Variants in ITGA8 observed in about 807,000 individuals in gnomAD.
The protein encoded by ITGA8 is integrin alpha-8.
A neutral mutation model predicts 142.3 loss-of-function variants in ITGA8; 91 were observed. That is an observed-to-expected ratio of 0.64 (90% CI 0.54 to 0.76). The LOEUF (loss-of-function observed/expected upper bound fraction) is 0.76. ITGA8 is among the 30% of genes least tolerant of loss of function. The pLI is 0.00. For synonymous variants in ITGA8, 505 were observed against 485.2 expected, an observed-to-expected ratio of 1.04 and a Z score of -0.54; for missense variants, 1,406 against 1,327.7, an observed-to-expected ratio of 1.06 and a Z score of -0.92.
intron 29 of ITGA8, among the ~76,000 whole-genome samples, chr10:15,517,641 G>A (rs1374616519): frequency 6.6e-6 from 1 of 152,204 alleles, no homozygotes; most frequent in African/African-American, 2.4e-5. Context: ...TATTTTCGAA[G>A]GAGCCTGGAG....
At chr10:15,602,695 G>A (rs962798055) in intron 20 of ITGA8, among the ~76,000 whole-genome samples, 11 of 151,650 alleles carry the variant, frequency 7.3e-5, no homozygotes, top group Admixed American at 2.0e-4. Context: ...CTATGATCAC[G>A]CTGCTGCACT....
chr10:15,665,480 G>A (rs1395156893), intron 8 of ITGA8, among the ~76,000 whole-genome samples: 1 of 152,148 alleles, frequency 6.6e-6, no homozygotes, highest in African/African-American at 2.4e-5. Context: ...TGTTCACTCT[G>A]ATGGTAGTTT....
chr10:15,653,080 G>A (rs984629253), intron 11 of ITGA8, among the ~76,000 whole-genome samples: 68 of 152,152 alleles, frequency 4.5e-4, no homozygotes, highest in African/African-American at 1.6e-3. Flanking sequence ...AGCTCCCCAG[G>A]GTTCACGCTC....
chr10:15,656,811 C>T (rs1272307833), intron 10 of ITGA8, among the ~76,000 whole-genome samples: 5 of 152,190 alleles, frequency 3.3e-5, no homozygotes, highest in Non-Finnish European at 7.3e-5. Flanking sequence ...TTTGAAGTGA[C>T]GTAGCTTCCA....
chr10:15,719,615 T>G lies in ITGA8; in HGVS notation c.157A>C (p.Lys53Gln). ...ACGGCGTAGCCGAAGTAGCTGCCCTTGGGGCCGCTGTACACTGTGAGCTTT... is the reference window on the plus strand; with the variant it reads ...ACGGCGTAGCCGAAGTAGCTGCCCTGGGGGCCGCTGTACACTGTGAGCTTT... Reference protein sequence around the residue: ...VEKLTVYSGPKGSYFGYAVDF... With the variant: ...VEKLTVYSGPQGSYFGYAVDF... Residue 53 changes from lysine to glutamine, a missense_variant, in exon 1 of 30, where the codon AAG becomes CAG. Coordinates refer to ENST00000378076, the MANE Select transcript of ITGA8 (RefSeq NM_003638.3). The G allele has an allele frequency of 6.4e-7, 1 of 1,561,764 alleles. No homozygotes were observed.
chr10:15,640,975 A>G (rs1833860874), intron 13 of ITGA8, among the ~76,000 whole-genome samples: 2 of 152,292 alleles, frequency 1.3e-5, no homozygotes, highest in South Asian at 4.1e-4. Flanking sequence ...TGTGAGCCAG[A>G]TATCTCTTCC....
At chr10:15,718,954 C>T (rs1835505828) in intron 1 of ITGA8, 55 bp from the exon 2 acceptor site, 3 of 1,612,198 alleles carry the variant, frequency 1.9e-6, no homozygotes, top group African/African-American at 1.3e-5. Context: ...CGTGCGCATG[C>T]AATGCAGTCT....
chr10:15,605,471 C>G lies in ITGA8; in HGVS notation c.1970+253G>C, dbSNP rs143193546. 7.2e-3 allele frequency among the ~76,000 whole-genome samples: 911 copies of G among 126,854 alleles called. 4 individuals are homozygous for G. The highest frequency in any genetic ancestry group is 0.038 in the South Asian group (118 of 3,096). 83.2% of individuals were successfully genotyped at this position (126,854 alleles called of 152,430 possible). On this transcript the variant is annotated intron_variant, in intron 19 of 29. Coordinates refer to ENST00000378076, the MANE Select transcript of ITGA8 (RefSeq NM_003638.3). ...ACCCCATCAATGAGTTTACTTTCAA[C>G]AAAAACATTTTTTTCCCCACTTTTG...
intron 2 of ITGA8, among the ~76,000 whole-genome samples, chr10:15,707,798 C>T (rs1297284944): frequency 1.4e-5 from 2 of 146,314 alleles, no homozygotes; most frequent in South Asian, 2.1e-4. Context: ...ACTCCGGCCT[C>T]GGTGACAGAG....
At chr10:15,706,218 A>G (rs1234766457) in intron 2 of ITGA8, among the ~76,000 whole-genome samples, 2 of 152,056 alleles carry the variant, frequency 1.3e-5, no homozygotes, top group Middle Eastern at 3.4e-3. Context: ...TCCTTAGGCC[A>G]AAATTTCCTC....
intron 28 of ITGA8, among the ~76,000 whole-genome samples, chr10:15,524,765 G>A (rs572011029): frequency 7.2e-4 from 110 of 152,186 alleles, no homozygotes; most frequent in Non-Finnish European, 1.4e-3. Context: ...AGTGCTGTGG[G>A]ACTGCAGGCT....
chr10:15,545,694 T>C (rs1393211325), intron 27 of ITGA8, among the ~76,000 whole-genome samples: 1 of 152,118 alleles, frequency 6.6e-6, no homozygotes, highest in Non-Finnish European at 1.5e-5. Context: ...GTTTTTTTTT[T>C]TAGCTTTTTA....
chr10:15,527,704 G>C (rs928564068), intron 28 of ITGA8, among the ~76,000 whole-genome samples: 2 of 152,106 alleles, frequency 1.3e-5, no homozygotes, highest in Non-Finnish European at 2.9e-5. Flanking sequence ...AGAGATGGCT[G>C]AATTATGACC....
At chr10:15,673,447 A>G (rs1196678111) in intron 6 of ITGA8, among the ~76,000 whole-genome samples, 1 of 152,190 alleles carries the variant, frequency 6.6e-6, no homozygotes, top group Non-Finnish European at 1.5e-5. Flanking sequence ...TTGGTCAAAT[A>G]TAGCTTCTTC....
intron 23 of ITGA8, among the ~76,000 whole-genome samples, chr10:15,585,773 T>C (rs1161874872): frequency 6.6e-6 from 1 of 152,130 alleles, no homozygotes; most frequent in Non-Finnish European, 1.5e-5. Context: ...TTTTCCCCCG[T>C]CTCTCAGTTG....
intron 13 of ITGA8, among the ~76,000 whole-genome samples, chr10:15,633,812 T>C (rs1350297980): frequency 2.0e-5 from 3 of 152,148 alleles, no homozygotes; most frequent in African/African-American, 7.2e-5. Context: ...CTAAGTCAAA[T>C]CATTAATTCA....
chr10:15,698,157 A>G (rs867818030), intron 2 of ITGA8, among the ~76,000 whole-genome samples: 1 of 152,208 alleles, frequency 6.6e-6, no homozygotes, highest in South Asian at 2.1e-4. Flanking sequence ...AGAACATACA[A>G]TGTTTGGTTT....
intron 21 of ITGA8, among the ~76,000 whole-genome samples, chr10:15,594,845 T>C (rs1832987050): frequency 6.6e-6 from 1 of 152,168 alleles, no homozygotes. Context: ...TTATTTCCAG[T>C]GATAGAAACC....
At chr10:15,682,881 C>A (rs555973921) in intron 4 of ITGA8, among the ~76,000 whole-genome samples, 1 of 150,844 alleles carries the variant, frequency 6.6e-6, no homozygotes, top group East Asian at 1.9e-4. Flanking sequence ...AAAATTTCTA[C>A]TGCCTGTTAT....
Sources: gnomAD v4.1 joint callset for allele counts (sites outside exome capture counted in the v4.1 genomes callset) on GRCh38, gnomAD v4.1.1 for gene constraint, MANE v1.5 for transcripts, NCBI Gene and HGNC (gene_info 2026-07-23, HGNC 2026-07-21) for gene names.